The following DLG2 variants were observed in gnomAD, a reference collection of about 807,000 sequenced individuals.
DLG2 encodes the protein discs large MAGUK scaffold protein 2, also known as disks large homolog 2.
DLG2 carries 45 observed loss-of-function variants against 132.5 expected under a neutral mutation model. The observed-to-expected ratio is 0.34, with a 90% confidence interval of 0.27 to 0.44. The LOEUF (loss-of-function observed/expected upper bound fraction) is 0.44, where lower values mean the gene tolerates loss of function less well. Ranked by LOEUF, DLG2 falls within the 20% of genes least tolerant of loss-of-function variation. DLG2 has a pLI of 1.00. For synonymous variants in DLG2, 424 were observed against 419.6 expected (o/e 1.01, Z -0.13); for missense variants, 1,045 against 1,196.9 (o/e 0.87, Z 1.87).
At chr11:85,412,318 T>A (rs569462879) in intron 3 of DLG2, among the ~76,000 whole-genome samples, 25 of 151,834 alleles carry the variant, frequency 1.6e-4, no homozygotes, top group African/African-American at 4.6e-4. Context: ...AGCCCTAGGA[T>A]GAAACAACAT....
At chr11:84,143,662 T>A (rs1046375893) in intron 9 of DLG2, among the ~76,000 whole-genome samples, 27 of 152,316 alleles carry the variant, frequency 1.8e-4, no homozygotes, top group Admixed American at 1.8e-3. Context: ...GCTCAAATGC[T>A]TGAAATAATT....
At position 84,506,079 on chromosome 11, in the gene DLG2, C is replaced by CTTTTTTTTTTTTTTTTTTTTTTTT. The variant is rs779039240; in HGVS notation, c.519+28490_519+28491insAAAAAAAAAAAAAAAAAAAAAAAA. On this transcript the variant is annotated intron_variant, in intron 7 of 27. Transcript: ENST00000376104. ...CTAATGTTATGACAGAGGCTCAGTT[C>CTTTTTTTTTTTTTTTTTTTTTTTT]TTTTTTTTTTTTTTGAGACGGAGTC... Among the ~76,000 whole-genome samples, 54 of 107,018 alleles carry CTTTTTTTTTTTTTTTTTTTTTTTT rather than the reference C, an allele frequency of 5.0e-4. 13 individuals carry two copies. Among genetic ancestry groups the CTTTTTTTTTTTTTTTTTTTTTTTT allele is most frequent in the African/African-American group, 2.1e-3 (42 of 19,738 alleles). The allele number at this position is 107,018 out of a possible 152,430, so 70.2% of individuals were successfully genotyped here.
rs533374801 is a variant in DLG2 at position 85,297,120 on chromosome 11, T to C, written c.41-11755A>G. Among the ~76,000 whole-genome samples the C allele has an allele frequency of 3.9e-5, 6 of 152,226 alleles. No individual in the cohort carries two copies. In the South Asian group the frequency reaches 1.2e-3, roughly 32 times the overall value. On this transcript the variant is annotated intron_variant, in intron 3 of 27. Transcript: ENST00000376104. ...ATAAAACCAAGAGCCATTAAATATG[T>C]CACCTTTCTTTTTCCCCAACTTCCC...
intron 18 of DLG2, among the ~76,000 whole-genome samples, chr11:83,761,251 G>A (rs1054293766): frequency 3.3e-5 from 5 of 152,184 alleles, no homozygotes; most frequent in Admixed American, 6.5e-5. Flanking sequence ...TTGCTACAAG[G>A]ACACCCCGTC....
At chr11:83,503,016 C>T (rs1445163065) in intron 21 of DLG2, among the ~76,000 whole-genome samples, 2 of 151,878 alleles carry the variant, frequency 1.3e-5, no homozygotes, top group Non-Finnish European at 2.9e-5. Flanking sequence ...ATAATCCAGG[C>T]ACTGTGCTAG....
intron 3 of DLG2, among the ~76,000 whole-genome samples, chr11:85,533,339 T>C (rs1200494421): frequency 6.6e-6 from 1 of 151,892 alleles, no homozygotes; most frequent in Non-Finnish European, 1.5e-5. Flanking sequence ...AGGTGTTTTA[T>C]TGTGATTTTT....
intron 7 of DLG2, chr11:84,272,170 A>G (rs867864590): frequency 2.1e-5 from 6 of 291,786 alleles, no homozygotes; most frequent in Non-Finnish European, 1.4e-5. Flanking sequence ...TAGTGGTTCA[A>G]TTAGAAGAGC....
chr11:85,265,777 G>C (rs527922037), intron 4 of DLG2, among the ~76,000 whole-genome samples: 1 of 152,314 alleles, frequency 6.6e-6, no homozygotes, highest in Non-Finnish European at 1.5e-5. Flanking sequence ...GAAGTAGCTG[G>C]ACATCAGAGA....
At chr11:84,939,870 G>A (rs1566456891) in intron 6 of DLG2, among the ~76,000 whole-genome samples, 1 of 152,152 alleles carries the variant, frequency 6.6e-6, no homozygotes, top group Admixed American at 6.5e-5. Context: ...ATTGTGAATA[G>A]TGCTGCAGTA....
At chr11:83,683,692 C>A (rs1261771717) in intron 18 of DLG2, among the ~76,000 whole-genome samples, 3 of 152,064 alleles carry the variant, frequency 2.0e-5, no homozygotes, top group Admixed American at 1.3e-4. Flanking sequence ...ATAGTATGTA[C>A]CCCCAAATGG....
At position 84,468,033 on chromosome 11, in the gene DLG2, A is replaced by G. The variant is rs565916428; in HGVS notation, c.519+66537T>C. Among the ~76,000 whole-genome samples the G allele has an allele frequency of 3.3e-5, 5 of 151,692 alleles. No individual in the cohort carries two copies. In the South Asian group the frequency reaches 8.3e-4, roughly 25 times the overall value. ...TACCATAATAAATTGCTGGAAAAAT[A>G]CAAATTAAAAACAATACCTACTTTG... On this transcript the variant is annotated intron_variant, in intron 7 of 27. Coordinates refer to ENST00000376104, the MANE Select transcript of DLG2 (RefSeq NM_001142699.3).
At chr11:84,887,687 A>G (rs1359580525) in intron 6 of DLG2, among the ~76,000 whole-genome samples, 1 of 152,074 alleles carries the variant, frequency 6.6e-6, no homozygotes, top group East Asian at 1.9e-4. Flanking sequence ...CCACCTTTTG[A>G]TCCCTACATG....
chr11:84,279,779 A>T (rs1214088403), intron 7 of DLG2, among the ~76,000 whole-genome samples: 1 of 152,204 alleles, frequency 6.6e-6, no homozygotes, highest in Non-Finnish European at 1.5e-5. Context: ...GGACACGGGG[A>T]GGGGAACATC....
In DLG2 at chr11:84,172,866, A is replaced by T. The variant is rs1596588770; in HGVS notation, c.574-9355T>A. Among the ~76,000 whole-genome samples the T allele has an allele frequency of 2.0e-5, 3 of 152,186 alleles. No individual in the cohort carries two copies. The East Asian group carries it at 5.8e-4, about 29-fold the overall frequency. ...CCTTAAATAACTTTTTTTTTAAAAA[A>T]TTATCTGCCTTTGTTATGAAGTATT... On this transcript the variant is annotated intron_variant, in intron 8 of 27. Coordinates refer to ENST00000376104, the MANE Select transcript of DLG2 (RefSeq NM_001142699.3).
intron 18 of DLG2, among the ~76,000 whole-genome samples, chr11:83,666,137 CAT>C (rs777681595): frequency 1.3e-5 from 2 of 152,222 alleles, no homozygotes; most frequent in Non-Finnish European, 2.9e-5. Context: ...CATTCCACCA[CAT>C]GAGATCTACT....
At chr11:85,408,865 A>C (rs2089045099) in intron 3 of DLG2, among the ~76,000 whole-genome samples, 1 of 151,838 alleles carries the variant, frequency 6.6e-6, no homozygotes, top group Non-Finnish European at 1.5e-5. Flanking sequence ...ATACGTGTGC[A>C]TGTGTCTTTA....
At chr11:84,826,637 G>A (rs755419963) in intron 6 of DLG2, among the ~76,000 whole-genome samples, 4 of 151,752 alleles carry the variant, frequency 2.6e-5, no homozygotes, top group Non-Finnish European at 5.9e-5. Flanking sequence ...CTATTTTGGG[G>A]CCCTGGTAGA....
chr11:84,839,151 G>C (rs1382923530), intron 6 of DLG2, among the ~76,000 whole-genome samples: 1 of 152,020 alleles, frequency 6.6e-6, no homozygotes, highest in Non-Finnish European at 1.5e-5. Context: ...AAAGTCTCAG[G>C]ATACAAAATC....
chr11:85,166,827 C>T (rs2078486232), intron 4 of DLG2, among the ~76,000 whole-genome samples: 1 of 152,054 alleles, frequency 6.6e-6, no homozygotes, highest in African/African-American at 2.4e-5. Flanking sequence ...CAAGTATTTT[C>T]TACATTACAC....
Sources: allele counts gnomAD v4.1 joint callset (sites outside exome capture counted in the v4.1 genomes callset), GRCh38; gene constraint gnomAD v4.1.1; transcripts MANE v1.5; gene names NCBI Gene and HGNC (gene_info 2026-07-23, HGNC 2026-07-21).